Variants in MTMR10 observed in about 807,000 individuals in gnomAD.
The protein encoded by MTMR10 is myotubularin related protein 10, also known as myotubularin-related protein 10.
In MTMR10, 56 loss-of-function variants were observed where a neutral mutation model predicts 88.1. That is an observed-to-expected ratio of 0.64 (90% CI 0.51 to 0.79). The LOEUF (loss-of-function observed/expected upper bound fraction) is 0.79, where lower values mean the gene tolerates loss of function less well. Among genes scored for constraint, MTMR10 ranks in the 30% least tolerant of loss-of-function variants. The probability of loss-of-function intolerance (pLI) is 0.00; values close to 1 mark genes in which losing one functional copy is unlikely to be tolerated. For missense variants in MTMR10, 883 were observed against 924.7 expected, an observed-to-expected ratio of 0.95 and a Z score of 0.58; for synonymous variants, 380 against 340.9, an observed-to-expected ratio of 1.11 and a Z score of -1.26.
rs1490940168 is a variant in MTMR10 at position 30,961,041 on chromosome 15, C to G, written c.598G>C (p.Gly200Arg). 9.0e-6 allele frequency: 14 copies of G among 1,557,246 alleles called. No individual in the cohort carries two copies. Among genetic ancestry groups the G allele is most frequent in the African/African-American group, 4.1e-5 (3 of 73,288 alleles). ...TTACCTCCTCCTCCTCCTCCTCCTC[C>G]ATCTCCTGAGGGAATTCCATTAATT... ...NKINGIPSGD[G>R]GGGGGGGNGA... The change falls in exon 7 of 16, where the codon GGA (glycine) becomes CGA (arginine). Residue 200 changes from glycine to arginine, a missense_variant. Coordinates refer to ENST00000435680, the MANE Select transcript of MTMR10 (RefSeq NM_017762.3).
intron 5 of MTMR10, among the ~76,000 whole-genome samples, chr15:30,974,072 C>T (rs912866574): frequency 5.9e-5 from 9 of 152,142 alleles, no homozygotes; most frequent in African/African-American, 1.2e-4. Flanking sequence ...CTAATTTCCA[C>T]GTAAGAGTCT....
At chr15:30,923,825 TTATG>T in the MTMR10 span, among the ~76,000 whole-genome samples, 3 of 152,256 alleles carry the variant, frequency 2.0e-5, no homozygotes, top group Admixed American at 2.0e-4. Context: ...CTTTCACTTT[TTATG>T]TTTCTATTGT....
intron 2 of MTMR10, among the ~76,000 whole-genome samples, chr15:30,977,682 A>G (rs1166514888): frequency 6.6e-6 from 1 of 151,358 alleles, no homozygotes; most frequent in Non-Finnish European, 1.5e-5. Flanking sequence ...TCAATGGTAG[A>G]AAAGTGAGTG....
the MTMR10 span, among the ~76,000 whole-genome samples, chr15:30,929,729 ATATAATATAT>A: frequency 2.3e-5 from 1 of 43,200 alleles, no homozygotes; most frequent in Non-Finnish European, 3.9e-5. Flanking sequence ...TATATAAAAT[ATATAATATAT>A]TATATCATAT....
chr15:30,969,642 CGAT>C (rs1261334862), intron 5 of MTMR10, among the ~76,000 whole-genome samples: 8 of 152,130 alleles, frequency 5.3e-5, no homozygotes, highest in Non-Finnish European at 8.8e-5. Context: ...TACCTTCTAA[CGAT>C]GTAATTCTGA....
chr15:30,961,326 C>G (rs1040563900), intron 6 of MTMR10, among the ~76,000 whole-genome samples: 2 of 152,058 alleles, frequency 1.3e-5, no homozygotes, highest in Non-Finnish European at 2.9e-5. Flanking sequence ...CTCCGCCCCC[C>G]GGGTTCAAGC....
chr15:30,927,184 G>A, the MTMR10 span: 1 of 962,490 alleles, frequency 1.0e-6, no homozygotes, highest in Non-Finnish European at 1.2e-6. Flanking sequence ...ACTCCAGTCT[G>A]GGTGACAGAG....
chr15:30,934,048 A>G (rs2062787888), downstream of MTMR10, among the ~76,000 whole-genome samples: 1 of 152,014 alleles, frequency 6.6e-6, no homozygotes, highest in South Asian at 2.1e-4. Flanking sequence ...CAATTTGTGT[A>G]TTTCTTCTTG....
chr15:30,950,943 A>G (rs1185979476), intron 12 of MTMR10, among the ~76,000 whole-genome samples: 1 of 152,196 alleles, frequency 6.6e-6, no homozygotes, highest in Non-Finnish European at 1.5e-5. Flanking sequence ...TTGTTATACT[A>G]TACTGTTTAG....
intron 6 of MTMR10, among the ~76,000 whole-genome samples, chr15:30,964,880 T>C (rs1595929948): frequency 1.3e-5 from 2 of 152,328 alleles, no homozygotes; most frequent in East Asian, 1.9e-4. Flanking sequence ...TCCACTGAAT[T>C]GGCCAATTGA....
At chr15:30,975,967 C>G (rs2030106707) in intron 3 of MTMR10, among the ~76,000 whole-genome samples, 1 of 151,766 alleles carries the variant, frequency 6.6e-6, no homozygotes, top group Non-Finnish European at 1.5e-5. Context: ...TTCTAAAAAC[C>G]AAAATTACAT....
At position 30,941,668 on chromosome 15, in the gene MTMR10, G is replaced by A. The variant is rs376306885; in HGVS notation, c.2136C>T (p.Gly712=). The A allele has an allele frequency of 3.2e-5, 52 of 1,613,104 alleles. No homozygotes were observed. The highest frequency in any genetic ancestry group is 4.2e-5 in the Non-Finnish European group (49 of 1,179,600). ...TGGCGTTGAAGTACATCCTGCTCTG[G>A]CCCAGCTCCCCATAGCAGGCCTCCA... ...GPLEACYGEL[G]QSRMYFNASG... The change falls in exon 16 of 16, where the codon GGC becomes GGT. Residue 712 remains glycine (G), a synonymous_variant. Coordinates refer to ENST00000435680, the MANE Select transcript of MTMR10 (RefSeq NM_017762.3).
intron 11 of MTMR10, 83 bp from the exon 12 acceptor site, chr15:30,952,121 A>C: frequency 8.6e-7 from 1 of 1,160,232 alleles, no homozygotes. Context: ...AGCAAATCTA[A>C]TTTCTCACTT....
rs1468839535 is a variant in MTMR10 at position 30,954,792 on chromosome 15, A to C, written c.1037T>G (p.Phe346Cys). The C allele has an allele frequency of 6.2e-7, 1 of 1,602,334 alleles. No homozygotes were observed. Among genetic ancestry groups the C allele is most frequent in the Non-Finnish European group, 8.5e-7 (1 of 1,174,572 alleles). ...LPNIQEVQAA[F>C]VKLKQLCVNE... is the part of the protein sequence containing the mutation. ...AACGCATAGCTGCTTCAGTTTTACAAATGCTGCCTGTACTTCTTGAATATT... is the reference window on the plus strand; with the variant it reads ...AACGCATAGCTGCTTCAGTTTTACACATGCTGCCTGTACTTCTTGAATATT... Residue 346 changes from phenylalanine to cysteine, a missense_variant, in exon 10 of 16, where the codon TTT (phenylalanine) becomes TGT (cysteine). By Grantham distance (205) the Phe-to-Cys change is radical. Coordinates refer to ENST00000435680, the MANE Select transcript of MTMR10 (RefSeq NM_017762.3).
intron 6 of MTMR10, among the ~76,000 whole-genome samples, chr15:30,963,359 G>A (rs1021603189): frequency 2.0e-5 from 3 of 152,230 alleles, no homozygotes; most frequent in Middle Eastern, 3.4e-3. Flanking sequence ...TGCTGGGCGC[G>A]GTGGCTCATG....
intron 14 of MTMR10, among the ~76,000 whole-genome samples, chr15:30,945,631 G>C (rs189540651): frequency 6.6e-5 from 10 of 152,312 alleles, no homozygotes; most frequent in Admixed American, 5.9e-4. Context: ...AGCCTAGCTC[G>C]AGGCAGAGAG....
Position 30,952,031 on chromosome 15 carries a change from G to C in MTMR10, c.1144C>G (p.Leu382Val). The C allele has an allele frequency of 6.2e-7, 1 of 1,613,448 alleles. No homozygotes were observed. The highest frequency in any genetic ancestry group is 2.2e-5 in the East Asian group (1 of 44,882). ...TRWLEYVRAFLKHSAELVYML... is the reference protein window; with the variant it reads ...TRWLEYVRAFVKHSAELVYML... ...TATACAAGTTCTGCTGAATGCTTAAGGAATGCCCTGAAGAGAGAAAAGGAA... is the reference window on the plus strand; with the variant it reads ...TATACAAGTTCTGCTGAATGCTTAACGAATGCCCTGAAGAGAGAAAAGGAA... The change falls in exon 12 of 16, where the codon CTT (leucine) becomes GTT (valine). Residue 382 changes from leucine to valine, a missense_variant. This residue lies in a region of MTMR10 where 126 missense variants were observed against 178.2 expected (regional missense o/e 0.71). Transcript: ENST00000435680.
intron 5 of MTMR10, among the ~76,000 whole-genome samples, chr15:30,969,277 G>T (rs2063509143): frequency 6.6e-6 from 1 of 151,902 alleles, no homozygotes; most frequent in Non-Finnish European, 1.5e-5. Flanking sequence ...AAAAAAAACT[G>T]CTTCTTGAAA....
the MTMR10 span, chr15:30,925,815 A>G: frequency 1.9e-6 from 3 of 1,614,084 alleles, no homozygotes; most frequent in Admixed American, 5.0e-5. Flanking sequence ...GGCTGTGCCC[A>G]CAGCGTGGGA....
Sources: gnomAD v4.1 joint callset for allele counts (sites outside exome capture counted in the v4.1 genomes callset) on GRCh38, gnomAD v4.1.1 for gene constraint, gnomAD v4.1.1 regional missense constraint, MANE v1.5 for transcripts, NCBI Gene and HGNC (gene_info 2026-07-23, HGNC 2026-07-21) for gene names.